CCDC146: variants seen among roughly 807,000 people sequenced by gnomAD.
The protein encoded by CCDC146 is coiled-coil domain containing 146.
Under a neutral mutation model 119.3 loss-of-function variants are expected in CCDC146, and 92 were observed. The ratio of observed to expected loss-of-function variants is 0.77; its 90% CI spans 0.65 to 0.92. The LOEUF (loss-of-function observed/expected upper bound fraction) is 0.92, where lower values mean the gene tolerates loss of function less well. Among genes scored for constraint, CCDC146 ranks in the 40% least tolerant of loss-of-function variants. The pLI, the probability that CCDC146 is intolerant of heterozygous loss-of-function variation, is 0.00. For synonymous variants in CCDC146, 372 were observed against 371.8 expected, an observed-to-expected ratio of 1.00 and a Z score of -0.01; for missense variants, 1,000 against 1,103.0, an observed-to-expected ratio of 0.91 and a Z score of 1.32.
intron 2 of CCDC146, among the ~76,000 whole-genome samples, chr7:77,214,403 C>T (rs1792259704): frequency 6.6e-6 from 1 of 152,056 alleles, no homozygotes; most frequent in South Asian, 2.1e-4. Flanking sequence ...TGTAGATTGT[C>T]TGTTTGCTCC....
At chr7:77,164,927 A>G (rs1032312050) in intron 1 of CCDC146, among the ~76,000 whole-genome samples, 94 of 152,222 alleles carry the variant, frequency 6.2e-4, no homozygotes, top group African/African-American at 2.1e-3. Context: ...TCAGCAGAAG[A>G]TCAGACCTTA....
At chr7:77,291,749 A>G (rs1177920180) in intron 17 of CCDC146, among the ~76,000 whole-genome samples, 1 of 152,196 alleles carries the variant, frequency 6.6e-6, no homozygotes, top group Non-Finnish European at 1.5e-5. Flanking sequence ...AACAGCTCTC[A>G]TTCTAAATTA....
At chr7:77,131,002 C>G (rs1258466076) in intron 1 of CCDC146, among the ~76,000 whole-genome samples, 1 of 151,840 alleles carries the variant, frequency 6.6e-6, no homozygotes, top group Non-Finnish European at 1.5e-5. Context: ...AGCGATTCTC[C>G]CGCCTCAGGT....
intron 13 of CCDC146, among the ~76,000 whole-genome samples, chr7:77,279,304 T>C (rs1017395157): frequency 3.3e-5 from 5 of 152,118 alleles, no homozygotes; most frequent in Non-Finnish European, 5.9e-5. Flanking sequence ...AATAGTATTT[T>C]AGAAAGCCAG....
intron 2 of CCDC146, among the ~76,000 whole-genome samples, chr7:77,178,400 T>C (rs569655870): frequency 6.6e-6 from 1 of 152,350 alleles, no homozygotes; most frequent in East Asian, 1.9e-4. Context: ...TTGTTCATTC[T>C]GAAAACTCTT....
chr7:77,249,890 TTC>T (rs1469695408), intron 4 of CCDC146, among the ~76,000 whole-genome samples: 1 of 152,234 alleles, frequency 6.6e-6, no homozygotes, highest in Non-Finnish European at 1.5e-5. Context: ...CCTGTTTTTG[TTC>T]TCTCTTTTTA....
At chr7:77,271,162 G>A (rs139629243) in intron 9 of CCDC146, among the ~76,000 whole-genome samples, 2,303 of 152,022 alleles carry the variant, frequency 0.015, 52 homozygotes, top group African/African-American at 0.052. Flanking sequence ...CTGTGAAGGT[G>A]TTGCCAAAGG....
At chr7:77,286,399 T>C (rs1793848686) in intron 15 of CCDC146, among the ~76,000 whole-genome samples, 1 of 151,892 alleles carries the variant, frequency 6.6e-6, no homozygotes, top group Non-Finnish European at 1.5e-5. Flanking sequence ...ACCACCAACG[T>C]TGGGGATTAT....
At chr7:77,244,600 A>C (rs1286431510) in intron 4 of CCDC146, among the ~76,000 whole-genome samples, 3 of 152,228 alleles carry the variant, frequency 2.0e-5, no homozygotes, top group Admixed American at 2.0e-4. Flanking sequence ...GCAGGTCTAT[A>C]GCCTAGGTGC....
chr7:77,257,034 A>T (rs931466395), intron 6 of CCDC146, among the ~76,000 whole-genome samples: 1 of 152,082 alleles, frequency 6.6e-6, no homozygotes, highest in Non-Finnish European at 1.5e-5. Context: ...TGAACCCGGG[A>T]GGTGGAGATT....
At chr7:77,254,843 A>G (rs1362473811) in intron 5 of CCDC146, among the ~76,000 whole-genome samples, 1 of 152,240 alleles carries the variant, frequency 6.6e-6, no homozygotes, top group Non-Finnish European at 1.5e-5. Flanking sequence ...TGTGGTTGAC[A>G]CTAAAAATAT....
intron 1 of CCDC146, among the ~76,000 whole-genome samples, chr7:77,158,746 C>T (rs1389262108): frequency 6.6e-6 from 1 of 152,158 alleles, no homozygotes; most frequent in Admixed American, 6.6e-5. Flanking sequence ...TCTCTAACTT[C>T]TGACCTCGTG....
chr7:77,238,649 C>T (rs774489688), intron 3 of CCDC146, among the ~76,000 whole-genome samples: 38 of 152,148 alleles, frequency 2.5e-4, no homozygotes, highest in African/African-American at 5.8e-4. Flanking sequence ...AATCTCCTGA[C>T]CTTGTGATCC....
chr7:77,210,917 G>A (rs1037616715), intron 2 of CCDC146, among the ~76,000 whole-genome samples: 1 of 152,120 alleles, frequency 6.6e-6, no homozygotes, highest in African/African-American at 2.4e-5. Flanking sequence ...CAGCAAGGGG[G>A]ATATCTGACC....
At chr7:77,243,533 C>T (rs1792888009) in intron 4 of CCDC146, among the ~76,000 whole-genome samples, 1 of 152,204 alleles carries the variant, frequency 6.6e-6, no homozygotes, top group Non-Finnish European at 1.5e-5. Context: ...CACAGTCATG[C>T]ACCACATAAT....
chr7:77,126,202 A>G (rs1244850958), intron 1 of CCDC146, among the ~76,000 whole-genome samples: 1 of 152,140 alleles, frequency 6.6e-6, no homozygotes, highest in African/African-American at 2.4e-5. Flanking sequence ...TTCTGTATCT[A>G]TGAAGATGAT....
intron 2 of CCDC146, among the ~76,000 whole-genome samples, chr7:77,225,088 A>T (rs1369296912): frequency 6.6e-6 from 1 of 152,240 alleles, no homozygotes; most frequent in Non-Finnish European, 1.5e-5. Flanking sequence ...TAGGTTGAAG[A>T]TAATGATAAT....
At chr7:77,201,979 G>A (rs1792000423) in intron 2 of CCDC146, among the ~76,000 whole-genome samples, 1 of 152,050 alleles carries the variant, frequency 6.6e-6, no homozygotes, top group Non-Finnish European at 1.5e-5. Context: ...TAGTCCTTAA[G>A]GATATTGTGA....
At chr7:77,249,486 CA>C (rs36137608) in intron 4 of CCDC146, among the ~76,000 whole-genome samples, 9,632 of 96,580 alleles carry the variant, frequency 0.1, 670 homozygotes, top group African/African-American at 0.29. Context: ...GACTCTGTCT[CA>C]AAAAAAAAAA....
Sources: allele counts gnomAD v4.1 joint callset (sites outside exome capture counted in the v4.1 genomes callset), GRCh38; gene constraint gnomAD v4.1.1; transcripts MANE v1.5; gene names NCBI Gene and HGNC (gene_info 2026-07-23, HGNC 2026-07-21).